Variants in KIAA1549L observed in about 807,000 individuals in gnomAD.
KIAA1549L encodes the protein KIAA1549 like.
KIAA1549L carries 88 observed loss-of-function variants against 160.7 expected under a neutral mutation model. The observed-to-expected ratio is 0.55, with a 90% CI of 0.46 to 0.65. The LOEUF (loss-of-function observed/expected upper bound fraction) is 0.65. KIAA1549L is among the 30% of genes least tolerant of loss of function. KIAA1549L has a pLI of 0.00. For synonymous variants in KIAA1549L, 950 were observed against 976.7 expected (o/e 0.97, Z 0.51); for missense variants, 2,258 against 2,437.5 (o/e 0.93, Z 1.55).
At chr11:33,425,088 T>C (rs1851089630) in intron 1 of KIAA1549L, among the ~76,000 whole-genome samples, 1 of 152,236 alleles carries the variant, frequency 6.6e-6, no homozygotes, top group South Asian at 2.1e-4. Context: ...CTTTGATCTC[T>C]TTATGTCTTA....
chr11:33,523,277 T>C (rs773333380), intron 1 of KIAA1549L, among the ~76,000 whole-genome samples: 61 of 152,192 alleles, frequency 4.0e-4, no homozygotes, highest in Admixed American at 5.9e-4. Flanking sequence ...AGTCAACTCA[T>C]TTGGGGATTT....
chr11:33,578,384 T>C (rs1855525374), intron 10 of KIAA1549L, among the ~76,000 whole-genome samples: 1 of 152,088 alleles, frequency 6.6e-6, no homozygotes, highest in African/African-American at 2.4e-5. Context: ...CTCCTTCAAA[T>C]CCACTCAGTC....
intron 1 of KIAA1549L, among the ~76,000 whole-genome samples, chr11:33,377,832 G>A (rs758579930): frequency 6.6e-6 from 1 of 152,114 alleles, no homozygotes; most frequent in Non-Finnish European, 1.5e-5. Flanking sequence ...ATTGTAAAGG[G>A]GCTGACATTG....
chr11:33,655,264 C>T (rs1852026280), intron 17 of KIAA1549L, among the ~76,000 whole-genome samples: 1 of 152,182 alleles, frequency 6.6e-6, no homozygotes, highest in Admixed American at 6.5e-5. Context: ...CATACACACA[C>T]ACACACACAG....
intron 1 of KIAA1549L, among the ~76,000 whole-genome samples, chr11:33,510,592 C>G (rs567988118): frequency 6.6e-6 from 1 of 152,356 alleles, no homozygotes; most frequent in East Asian, 1.9e-4. Context: ...CTCCAGAAAG[C>G]CCATGTCCTA....
At chr11:33,602,173 G>T (rs796862232) in intron 13 of KIAA1549L, among the ~76,000 whole-genome samples, 54 of 152,242 alleles carry the variant, frequency 3.5e-4, no homozygotes, top group African/African-American at 1.3e-3. Context: ...CACTGGTAGG[G>T]CTCAGAATCT....
chr11:33,574,626 A>G (rs1855380667), intron 9 of KIAA1549L, 76 bp from the exon 10 acceptor site: 1 of 1,387,360 alleles, frequency 7.2e-7, no homozygotes, highest in Non-Finnish European at 9.9e-7. Flanking sequence ...GGAGAGGAAC[A>G]TCTGCTGATC....
intron 15 of KIAA1549L, among the ~76,000 whole-genome samples, chr11:33,614,590 T>TA (rs1850759460): frequency 2.5e-5 from 1 of 40,498 alleles, no homozygotes; most frequent in Non-Finnish European, 5.2e-5. Flanking sequence ...ATATATTTTT[T>TA]TTTTTTTTTT....
intron 6 of KIAA1549L, 125 bp from the exon 7 acceptor site, chr11:33,559,624 T>G (rs1038885401): frequency 2.7e-6 from 2 of 727,378 alleles, no homozygotes; most frequent in African/African-American, 3.5e-5. Context: ...TCCTTGCTGT[T>G]TCCCTGACCC....
chr11:33,590,305 A>T (rs537349824), intron 11 of KIAA1549L, among the ~76,000 whole-genome samples: 1 of 152,352 alleles, frequency 6.6e-6, no homozygotes, highest in Non-Finnish European at 1.5e-5. Context: ...ACAGCTAATG[A>T]ATGACGGAGT....
intron 1 of KIAA1549L, among the ~76,000 whole-genome samples, chr11:33,462,686 C>A (rs1851963952): frequency 6.6e-6 from 1 of 152,132 alleles, no homozygotes; most frequent in African/African-American, 2.4e-5. Flanking sequence ...TGACTTTCAG[C>A]AAATTTCTTA....
At chr11:33,540,573 G>A (rs184157818) in intron 1 of KIAA1549L, among the ~76,000 whole-genome samples, 1 of 152,292 alleles carries the variant, frequency 6.6e-6, no homozygotes, top group Admixed American at 6.5e-5. Context: ...GTGTCTGAGG[G>A]GGGAATACCT....
intron 1 of KIAA1549L, among the ~76,000 whole-genome samples, chr11:33,406,387 A>G (rs1011868287): frequency 6.6e-6 from 1 of 152,182 alleles, no homozygotes; most frequent in Non-Finnish European, 1.5e-5. Flanking sequence ...TGCACGGGCC[A>G]TATGGCAACA....
chr11:33,417,197 A>C (rs1385275020), intron 1 of KIAA1549L, among the ~76,000 whole-genome samples: 1 of 152,178 alleles, frequency 6.6e-6, no homozygotes, highest in Non-Finnish European at 1.5e-5. Context: ...AACATCGGAC[A>C]ATACAGATCT....
At chr11:33,460,198 G>T (rs1174583015) in intron 1 of KIAA1549L, among the ~76,000 whole-genome samples, 1 of 152,056 alleles carries the variant, frequency 6.6e-6, no homozygotes, top group African/African-American at 2.4e-5. Flanking sequence ...CCAAATGCTC[G>T]CTGGCCTCTG....
At chr11:33,400,494 A>G (rs1850477031) in intron 1 of KIAA1549L, among the ~76,000 whole-genome samples, 2 of 152,236 alleles carry the variant, frequency 1.3e-5, no homozygotes, top group African/African-American at 4.8e-5. Flanking sequence ...CTCATGGTCT[A>G]GGATAATGCT....
chr11:33,624,230 C>CTGTTCCA (rs1245351556), intron 16 of KIAA1549L, among the ~76,000 whole-genome samples: 1 of 152,198 alleles, frequency 6.6e-6, no homozygotes, highest in Non-Finnish European at 1.5e-5. Flanking sequence ...ATTGGATGTC[C>CTGTTCCA]TTGGGTGAGG....
chr11:33,667,811 C>T, intron 20 of KIAA1549L, 62 bp from the exon 21 acceptor site: 2 of 1,446,840 alleles, frequency 1.4e-6, no homozygotes, highest in Non-Finnish European at 1.9e-6. Flanking sequence ...TCAAGTGTGT[C>T]CTGTGACTTG....
chr11:33,605,883 T>C (rs1590390576), intron 13 of KIAA1549L, among the ~76,000 whole-genome samples: 1 of 152,352 alleles, frequency 6.6e-6, no homozygotes, highest in East Asian at 1.9e-4. Flanking sequence ...CCAGGGGCCC[T>C]GGAACTTCTG....
Sources: gnomAD v4.1 joint callset for allele counts (sites outside exome capture counted in the v4.1 genomes callset) on GRCh38, gnomAD v4.1.1 for gene constraint, MANE v1.5 for transcripts, NCBI Gene and HGNC (gene_info 2026-07-23, HGNC 2026-07-21) for gene names.